Variants in POTEF observed in about 807,000 individuals in gnomAD.
POTEF encodes the protein ANKRD26-like family C member 1B.
A neutral mutation model predicts 83.2 loss-of-function variants in POTEF; 20 were observed. That is an observed-to-expected ratio of 0.24 (90% CI 0.17 to 0.35). The LOEUF is 0.35. POTEF is among the 10% of genes least tolerant of loss of function. POTEF has a pLI of 1.00. For synonymous variants in POTEF, 196 were observed against 446.4 expected (o/e 0.44, Z 7.07); for missense variants, 550 against 1,203.2 (o/e 0.46, Z 8.03).
chr2:130,116,992 AG>A (rs1235149213), intron 3 of POTEF, among the ~76,000 whole-genome samples: 1 of 144,350 alleles, frequency 6.9e-6, no homozygotes, highest in Non-Finnish European at 1.5e-5. Context: ...GCCACATAAT[AG>A]GTGTCTGGCT....
In POTEF at chr2:130,073,959, G is replaced by T. The variant is rs1292857437; in HGVS notation, c.*285C>A. The T allele has an allele frequency of 1.0e-5, 6 of 594,596 alleles. No individual in the cohort carries two copies. In the Admixed American group the frequency reaches 1.8e-4, roughly 18 times the overall value. The allele number at this position is 594,596 out of a possible 1,614,324, so 36.8% of individuals were successfully genotyped here. A position where few individuals can be genotyped will look rare whatever the true frequency, so the allele number is the denominator to read the frequency against. On this transcript the variant is annotated 3_prime_UTR_variant, in exon 17 of 17. Transcript: ENST00000409914. ...GTGGGGTGGCTTTTAGCAGGGCAAG[G>T]GGCTTCCTGAAACAATGCGTCTCAC... is the stretch of plus-strand genomic sequence containing the variant.
In POTEF at chr2:130,075,084, C is replaced by A. The variant is rs758848190; in HGVS notation, c.2388G>T (p.Val796=). 1 of 1,613,664 alleles carries A rather than the reference C, an allele frequency of 6.2e-7. No homozygotes were observed. Among genetic ancestry groups the A allele is most frequent in the Non-Finnish European group, 8.5e-7 (1 of 1,179,976 alleles). ...WHHTFYNELR[V]APEEHPVLLT... The stretch of plus-strand genomic sequence containing the variant: ...GCAGGACGGGGTGCTCCTCGGGAGC[C>A]ACACGCAGCTCGTTGTAGAAGGTGT... Residue 796 remains valine, a synonymous_variant, in exon 17 of 17, where the codon GTG becomes GTT. Transcript: ENST00000409914.
intron 7 of POTEF, 150 bp downstream of exon 7, chr2:130,110,393 T>C: frequency 6.5e-7 from 1 of 1,545,060 alleles, no homozygotes; most frequent in South Asian, 1.3e-5. Flanking sequence ...TTTGTCTGAT[T>C]TCTGGCTGAT....
At position 130,105,005 on chromosome 2, in the gene POTEF, T is replaced by G. The variant is rs920529319; in HGVS notation, c.1127-2825A>C. 8.0e-5 allele frequency among the ~76,000 whole-genome samples: 12 copies of G among 150,592 alleles called. No homozygotes were observed. The East Asian group carries it at 9.7e-4, about 12-fold the overall frequency. The stretch of plus-strand genomic sequence containing the variant: ...GCTGACCTGCTGCTCTTTGCTCTTC[T>G]GTATTCACCAGAAAATTTCCTCCTT... On this transcript the variant is annotated intron_variant, in intron 8 of 16. Coordinates refer to ENST00000409914, the MANE Select transcript of POTEF (RefSeq NM_001099771.2).
chr2:130,126,303 CAAAAAAA>C (rs754556482), intron 2 of POTEF, among the ~76,000 whole-genome samples: 2 of 122,706 alleles, frequency 1.6e-5, no homozygotes, highest in African/African-American at 5.8e-5. Context: ...AACTCCATCT[CAAAAAAA>C]AAAAAAAAAA....
At chr2:130,083,435 T>C (rs1683946389) in intron 15 of POTEF, among the ~76,000 whole-genome samples, 1 of 147,290 alleles carries the variant, frequency 6.8e-6, no homozygotes, top group South Asian at 2.2e-4. Flanking sequence ...AAACAGACCA[T>C]GATAAACGGA....
rs866751667 is a variant in POTEF at position 130,117,664 on chromosome 2, A to C, written c.521+2331T>G. Among the ~76,000 whole-genome samples the C allele has an allele frequency of 9.6e-4, 146 of 151,994 alleles. 1 individual carries two copies. Among genetic ancestry groups the C allele is most frequent in the Non-Finnish European group, 1.6e-3 (107 of 68,006 alleles). The stretch of plus-strand genomic sequence containing the variant: ...AGTTACATATTAGTCCATCCTATGG[A>C]TGCACTGAAATTTGTCCATGAAATC... On this transcript the variant is annotated intron_variant, in intron 3 of 16. Coordinates refer to ENST00000409914, the MANE Select transcript of POTEF (RefSeq NM_001099771.2).
Position 130,075,382 on chromosome 2 carries a change from T to A in POTEF, c.2090A>T (p.Asn697Ile), listed in dbSNP as rs1341683496. The part of the protein sequence containing the change: ...NDNLLKALQL[N>I]ELTMDDDTAV... The stretch of plus-strand genomic sequence containing the variant: ...GGTATCATCATCCATGGTGAGCTCA[T>A]TCAATTGTAGAGCCTTTAAAAGATT... Residue 697 changes from asparagine (N) to isoleucine (I), a missense_variant, in exon 17 of 17, where the codon AAT (asparagine) becomes ATT (isoleucine). By Grantham distance (149) the Asn-to-Ile change is moderately radical. Transcript: ENST00000409914. 1.2e-6 allele frequency: 2 copies of A among 1,612,090 alleles called. No individual in the cohort carries two copies. Among genetic ancestry groups the A allele is most frequent in the Non-Finnish European group, 1.7e-6 (2 of 1,179,838 alleles).
intron 8 of POTEF, among the ~76,000 whole-genome samples, chr2:130,104,194 G>C (rs536457729): frequency 1.3e-5 from 2 of 149,682 alleles, no homozygotes; most frequent in East Asian, 3.9e-4. Context: ...TAAGAAGTCA[G>C]AGAAATTATA....
At position 130,080,584 on chromosome 2, in the gene POTEF, CAA is replaced by C. The variant is rs761595718; in HGVS notation, c.1779-3385_1779-3384del. 1.1e-3 allele frequency among the ~76,000 whole-genome samples: 10 copies of C among 8,912 alleles called. 1 individual carries two copies. The highest frequency in any genetic ancestry group is 3.8e-3 in the East Asian group (2 of 528). The allele number at this position is 8,912 out of a possible 152,430, so 5.8% of individuals were successfully genotyped here. On this transcript the variant is annotated intron_variant, in intron 15 of 16. Coordinates refer to ENST00000409914, the MANE Select transcript of POTEF (RefSeq NM_001099771.2). The stretch of plus-strand genomic sequence containing the variant: ...AACACTTCTGGTTAAGATGATGTAT[CAA>C]AAAAAAAAAATCTTCGTGAGAGCTA...
intron 2 of POTEF, among the ~76,000 whole-genome samples, chr2:130,121,218 T>TG (rs1684996661): frequency 6.7e-6 from 1 of 148,502 alleles, no homozygotes; most frequent in African/African-American, 2.5e-5. Context: ...GCTTAAGTCT[T>TG]GGCGCCACGA....
chr2:130,075,976 A>G (rs1448250550), intron 16 of POTEF, among the ~76,000 whole-genome samples: 1 of 143,410 alleles, frequency 7.0e-6, no homozygotes, highest in East Asian at 2.1e-4. Flanking sequence ...TTACACTCTG[A>G]TATCTAACCT....
chr2:130,083,443 G>A (rs1241787253), intron 15 of POTEF, among the ~76,000 whole-genome samples: 6 of 147,970 alleles, frequency 4.1e-5, no homozygotes, highest in Admixed American at 2.0e-4. Context: ...CATGATAAAC[G>A]GACTAGAAAG....
At chr2:130,114,798 A>T in intron 5 of POTEF, 83 bp downstream of exon 5, 3 of 1,449,034 alleles carry the variant, frequency 2.1e-6, no homozygotes, top group Non-Finnish European at 2.8e-6. Context: ...GAGCTTCCAA[A>T]TATGGAAGAC....
In POTEF at chr2:130,078,209, T is replaced by TA. The variant is rs1436334361; in HGVS notation, c.1779-1009dup. Among the ~76,000 whole-genome samples the TA allele has an allele frequency of 6.8e-5, 6 of 87,928 alleles. 2 individuals carry two copies. The highest frequency in any genetic ancestry group is 1.8e-4 in the African/African-American group (4 of 22,206). The allele number at this position is 87,928 out of a possible 152,430, so 57.7% of individuals were successfully genotyped here. A position where few individuals can be genotyped will look rare whatever the true frequency, so the allele number is the denominator to read the frequency against. On this transcript the variant is annotated intron_variant, in intron 15 of 16. Coordinates refer to ENST00000409914, the MANE Select transcript of POTEF (RefSeq NM_001099771.2). ...ATACCTAGAAAACCCTAAAGACTCCTACAAAACACTCCTAGATTTGATACA... is the reference window on the plus strand; with the variant it reads ...ATACCTAGAAAACCCTAAAGACTCCTAACAAAACACTCCTAGATTTGATACA...
At chr2:130,121,080 G>C (rs1428467599) in intron 2 of POTEF, among the ~76,000 whole-genome samples, 2 of 151,842 alleles carry the variant, frequency 1.3e-5, no homozygotes, top group Non-Finnish European at 1.5e-5. Flanking sequence ...GCGCGTGCAA[G>C]CCGTTACAAG....
chr2:130,113,526 C>CGTTGTT (rs199552549), intron 5 of POTEF, among the ~76,000 whole-genome samples: 1 of 96,766 alleles, frequency 1.0e-5, no homozygotes, highest in South Asian at 3.3e-4. Flanking sequence ...TTGTTGTTGT[C>CGTTGTT]GTTGTTGTTG....
At chr2:130,109,262 T>G (rs1573609199) in intron 7 of POTEF, 1 of 146,940 alleles carries the variant, frequency 6.8e-6, no homozygotes, top group Non-Finnish European at 1.5e-5. Flanking sequence ...CCACGCTAAC[T>G]TTCCCCGTAT....
chr2:130,074,938 G>C lies in POTEF; in HGVS notation c.2534C>G (p.Ser845Cys). The C allele has an allele frequency of 6.2e-7, 1 of 1,607,340 alleles. No individual in the cohort carries two copies. Among genetic ancestry groups the C allele is most frequent in the Non-Finnish European group, 8.5e-7 (1 of 1,178,386 alleles). Residue 845 changes from serine (S) to cysteine (C), a missense_variant, in exon 17 of 17, where the codon TCT becomes TGT. By Grantham distance (112) the Ser-to-Cys change is moderately radical. Coordinates refer to ENST00000409914, the MANE Select transcript of POTEF (RefSeq NM_001099771.2). Reference sequence around the variant, plus strand: ...CATCACGATGCCAGTAGTACGGCCAGAGGTGTACAGGGACAGCACAGCCTG... The same window carrying C: ...CATCACGATGCCAGTAGTACGGCCACAGGTGTACAGGGACAGCACAGCCTG... ...AIQAVLSLYT[S>C]GRTTGIVMDS...
Sources: allele counts gnomAD v4.1 joint callset (sites outside exome capture counted in the v4.1 genomes callset), GRCh38; gene constraint gnomAD v4.1.1; transcripts MANE v1.5; gene names NCBI Gene and HGNC (gene_info 2026-07-23, HGNC 2026-07-21).